MEI1: variants seen among roughly 807,000 people sequenced by gnomAD.
The protein encoded by MEI1 is meiosis inhibitor protein 1.
A neutral mutation model predicts 146.2 loss-of-function variants in MEI1; 103 were observed. That is an observed-to-expected ratio of 0.70 (90% CI 0.60 to 0.83). The LOEUF (loss-of-function observed/expected upper bound fraction) is 0.83, where lower values mean the gene tolerates loss of function less well. Among genes scored for constraint, MEI1 ranks in the 40% least tolerant of loss-of-function variants. The pLI, the probability that MEI1 is intolerant of heterozygous loss-of-function variation, is 0.00. For missense variants in MEI1, 1,529 were observed against 1,533.0 expected (o/e 1.00, Z 0.04); for synonymous variants, 652 against 628.2 (o/e 1.04, Z -0.57).
intron 12 of MEI1, among the ~76,000 whole-genome samples, chr22:41,743,842 A>C (rs1284548739): frequency 5.9e-5 from 9 of 152,030 alleles, no homozygotes; most frequent in Admixed American, 2.6e-4. Flanking sequence ...TGTGGTTCAG[A>C]GAGACTGTAG....
chr22:41,771,006 TTC>T, intron 20 of MEI1, 45 bp downstream of exon 20: 7 of 1,588,890 alleles, frequency 4.4e-6, no homozygotes, highest in Non-Finnish European at 6.0e-6. Flanking sequence ...ATCGTGGGCC[TTC>T]TCTCTCTGAG....
In MEI1 at chr22:41,793,899, G is replaced by T. The variant is rs1569338164; in HGVS notation, c.3416G>T (p.Ser1139Ile). The change falls in exon 27 of 31, where the codon AGC becomes ATC. Residue 1139 changes from serine to isoleucine, a missense_variant. Ser to Ile is a moderately radical substitution (Grantham distance 142, BLOSUM62 -2). Coordinates refer to ENST00000401548, the MANE Select transcript of MEI1 (RefSeq NM_152513.4). ...TTGCTTGACTACCTGGATGCCCGGA[G>T]CCCAGACATTGGTAGAAACTCTCCA... is the stretch of plus-strand genomic sequence containing the variant. ...EALLDYLDAR[S>I]PDIALHVASQ... The T allele has an allele frequency of 6.2e-7, 1 of 1,612,324 alleles. No individual in the cohort carries two copies. The highest frequency in any genetic ancestry group is 8.5e-7 in the Non-Finnish European group (1 of 1,179,346).
chr22:41,706,581 C>T (rs2069111794), intron 3 of MEI1, among the ~76,000 whole-genome samples: 1 of 151,926 alleles, frequency 6.6e-6, no homozygotes, highest in African/African-American at 2.4e-5. Context: ...GAGCATGGTA[C>T]AACATGCCTG....
chr22:41,758,191 G>A (rs981373032), intron 17 of MEI1, among the ~76,000 whole-genome samples, 174 bp from the exon 18 acceptor site: 3 of 151,980 alleles, frequency 2.0e-5, no homozygotes, highest in Admixed American at 1.3e-4. Context: ...AGTCTTTCCC[G>A]GTAGGTTGAA....
chr22:41,779,000 A>G (rs1264460975), intron 22 of MEI1, 188 bp downstream of exon 22: 5 of 539,310 alleles, frequency 9.3e-6, no homozygotes, highest in Non-Finnish European at 1.7e-5. Context: ...GTTCTCTGGG[A>G]ATGTTTGGGA....
chr22:41,796,217 T>G (rs1026728518), intron 30 of MEI1, among the ~76,000 whole-genome samples: 1 of 152,162 alleles, frequency 6.6e-6, no homozygotes, highest in Admixed American at 6.5e-5. Flanking sequence ...AGATGGAGTC[T>G]TGCTCCGTCG....
At chr22:41,767,751 T>C (rs1161732520) in intron 19 of MEI1, 1 of 389,044 alleles carries the variant, frequency 2.6e-6, no homozygotes, top group Non-Finnish European at 5.4e-6. Flanking sequence ...AACAAGTTCC[T>C]TGCCCTCAGA....
intron 20 of MEI1, among the ~76,000 whole-genome samples, chr22:41,775,718 G>A (rs1018920457): frequency 3.3e-5 from 5 of 151,316 alleles, no homozygotes; most frequent in African/African-American, 9.7e-5. Context: ...CTCAGCCTCC[G>A]GAGTAGCTGG....
intron 7 of MEI1, 63 bp downstream of exon 7, chr22:41,724,136 GC>G (rs2071108520): frequency 6.3e-7 from 1 of 1,585,420 alleles, no homozygotes; most frequent in African/African-American, 1.4e-5. Flanking sequence ...TGCTTCTTGG[GC>G]CTTGTCTTCA....
At chr22:41,746,131 C>T (rs2073269920) in intron 14 of MEI1, 105 bp downstream of exon 14, 5 of 1,106,874 alleles carry the variant, frequency 4.5e-6, no homozygotes, top group Middle Eastern at 3.2e-4. Flanking sequence ...AAGGAACTCT[C>T]TGGGGGCCTC....
chr22:41,737,855 A>C (rs1460508734), intron 11 of MEI1, among the ~76,000 whole-genome samples: 1 of 152,202 alleles, frequency 6.6e-6, no homozygotes, highest in Non-Finnish European at 1.5e-5. Flanking sequence ...CAGTGAGACT[A>C]AGGGATCCTA....
intron 26 of MEI1, among the ~76,000 whole-genome samples, chr22:41,790,081 GT>G (rs1283841807): frequency 6.6e-6 from 1 of 152,116 alleles, no homozygotes; most frequent in South Asian, 2.1e-4. Context: ...TAGTTTGTTT[GT>G]TTTTTTGTTT....
intron 8 of MEI1, 103 bp downstream of exon 8, chr22:41,729,882 C>A: frequency 1.5e-6 from 1 of 668,024 alleles, no homozygotes; most frequent in Non-Finnish European, 2.4e-6. Context: ...CTCATAACAT[C>A]TGAATCCTAT....
chr22:41,784,632 C>G lies in MEI1; in HGVS notation c.3194C>G (p.Thr1065Arg). Residue 1065 changes from threonine to arginine, a missense_variant, in exon 26 of 31, where the codon ACA becomes AGA. By Grantham distance (71) the Thr-to-Arg change is moderately conservative. This residue lies in a region of MEI1 where 313 missense variants were observed against 337.3 expected (regional missense o/e 0.93). Transcript: ENST00000401548. ...LSAAILCFLR[T>R]ALRQSFSSAL... ...GCTGCCATCTTATGCTTCCTGCGGACAGCCCTGCGACAAAGCTTTTCCTCT... is the reference window on the plus strand; with the variant it reads ...GCTGCCATCTTATGCTTCCTGCGGAGAGCCCTGCGACAAAGCTTTTCCTCT... 6.2e-7 allele frequency: 1 copy of G among 1,613,052 alleles called. No homozygotes were observed. Among genetic ancestry groups the G allele is most frequent in the Non-Finnish European group, 8.5e-7 (1 of 1,179,826 alleles).
intron 18 of MEI1, 93 bp downstream of exon 18, chr22:41,758,626 G>A: frequency 7.7e-7 from 1 of 1,304,498 alleles, no homozygotes; most frequent in Non-Finnish European, 1.0e-6. Context: ...CAAGCCTGAT[G>A]CTGGGCACTG....
chr22:41,736,043 G>C (rs2072332147), intron 11 of MEI1, among the ~76,000 whole-genome samples: 1 of 152,080 alleles, frequency 6.6e-6, no homozygotes, highest in Admixed American at 6.6e-5. Flanking sequence ...ATGAAATCAA[G>C]GTGTCAGCAG....
intron 12 of MEI1, among the ~76,000 whole-genome samples, chr22:41,744,449 A>G (rs28527302): frequency 8.2e-5 from 12 of 146,464 alleles, no homozygotes; most frequent in South Asian, 2.3e-4. Context: ...TGGGATTACA[A>G]GCGTGAGCCA....
intron 11 of MEI1, among the ~76,000 whole-genome samples, chr22:41,738,055 C>G (rs1404127200): frequency 6.6e-6 from 1 of 152,210 alleles, no homozygotes; most frequent in Non-Finnish European, 1.5e-5. Flanking sequence ...TGGCTCACGC[C>G]TGTAATCCCA....
chr22:41,796,268 A>G (rs964891192), intron 30 of MEI1, among the ~76,000 whole-genome samples: 3 of 151,260 alleles, frequency 2.0e-5, no homozygotes, highest in Middle Eastern at 3.2e-3. Context: ...GCTCACTGTA[A>G]CCTCCGCCTC....
Sources: allele counts gnomAD v4.1 joint callset (sites outside exome capture counted in the v4.1 genomes callset), GRCh38; gene constraint gnomAD v4.1.1; regional missense constraint gnomAD v4.1.1; transcripts MANE v1.5; gene names NCBI Gene and HGNC (gene_info 2026-07-23, HGNC 2026-07-21).